TAMM41: variants seen among roughly 807,000 people sequenced by gnomAD.
The protein encoded by TAMM41 is phosphatidate cytidylyltransferase, mitochondrial.
A neutral mutation model predicts 44.1 loss-of-function variants in TAMM41; 36 were observed. That is an observed-to-expected ratio of 0.82 (90% CI 0.63 to 1.08). The LOEUF is 1.08. Among genes scored for constraint, TAMM41 ranks in the 50% least tolerant of loss-of-function variants. The pLI is 0.00. For synonymous variants in TAMM41, 164 were observed against 153.1 expected (o/e 1.07, Z -0.53); for missense variants, 417 against 404.3 (o/e 1.03, Z -0.27).
the TAMM41 span, among the ~76,000 whole-genome samples, chr3:11,761,996 A>G: frequency 1.3e-5 from 2 of 151,412 alleles, no homozygotes; most frequent in African/African-American, 4.8e-5. Context: ...AAGAAAAAAG[A>G]GACCCTTCCC....
intron 4 of TAMM41, among the ~76,000 whole-genome samples, chr3:11,818,036 T>C (rs2078352092): frequency 6.6e-6 from 1 of 152,120 alleles, no homozygotes; most frequent in Non-Finnish European, 1.5e-5. Flanking sequence ...ATCGGCAAGA[T>C]GGAGGAGAAA....
Position 11,846,876 on chromosome 3 carries a change from G to C in TAMM41, c.-240C>G, listed in dbSNP as rs2079730240. On this transcript the variant is annotated 5_prime_UTR_variant, in exon 1 of 8. Transcript: ENST00000455809. ...CGGGTGGGCGGCGGTCGCACAGGCA[G>C]AGCTTCCGTCCCTTGCTACGCCCCA... The C allele has an allele frequency of 5.6e-6, 3 of 532,602 alleles. No individual in the cohort carries two copies. Among genetic ancestry groups the C allele is most frequent in the Non-Finnish European group, 1.0e-5 (3 of 294,952 alleles). The allele number at this position is 532,602 out of a possible 1,614,324, so 33.0% of individuals were successfully genotyped here.
the TAMM41 span, among the ~76,000 whole-genome samples, chr3:11,781,895 A>G: frequency 1.3e-5 from 2 of 152,090 alleles, no homozygotes; most frequent in African/African-American, 4.8e-5. Context: ...AGGAGTTTAG[A>G]TGGTTTTAAA....
chr3:11,823,660 CTTTTTTTTTT>C (rs34657936), intron 4 of TAMM41, among the ~76,000 whole-genome samples: 2 of 122,398 alleles, frequency 1.6e-5, no homozygotes, highest in Non-Finnish European at 3.4e-5. Flanking sequence ...TGCCTTTTTA[CTTTTTTTTTT>C]TTTTTTTTTA....
the TAMM41 span, among the ~76,000 whole-genome samples, chr3:11,769,900 C>T: frequency 6.6e-6 from 1 of 152,226 alleles, no homozygotes; most frequent in Non-Finnish European, 1.5e-5. Flanking sequence ...ATGCAAAGAG[C>T]ATCACTCACA....
rs763701073 is a variant in TAMM41 at position 11,839,333 on chromosome 3, G to A, written c.319-19C>T. 1.0e-5 allele frequency: 15 copies of A among 1,485,718 alleles called. No homozygotes were observed. The South Asian group carries it at 1.6e-4, about 16-fold the overall frequency. 92.0% of individuals were successfully genotyped at this position (1,485,718 alleles called of 1,614,324 possible). On this transcript the variant is annotated intron_variant, in intron 2 of 7. Transcript: ENST00000455809. ...TGATAAGCTGAAGGAAAAAAGAAAT[G>A]GCACAAAACGGAGTAAAATACCATG...
the TAMM41 span, among the ~76,000 whole-genome samples, chr3:11,761,372 T>C: frequency 2.0e-5 from 3 of 152,174 alleles, no homozygotes; most frequent in East Asian, 3.9e-4. Context: ...CTGCGCTCCA[T>C]CTTTCCTGTC....
At chr3:11,797,616 A>G (rs1455672298) in intron 7 of TAMM41, among the ~76,000 whole-genome samples, 1 of 152,244 alleles carries the variant, frequency 6.6e-6, no homozygotes, top group African/African-American at 2.4e-5. Flanking sequence ...AAGCAATTAC[A>G]ACAAAAGCAA....
At position 11,839,220 on chromosome 3, in the gene TAMM41, A is replaced by G; in HGVS notation, c.411+2T>C. On this transcript the variant is annotated splice_donor_variant, in intron 3 of 7. Coordinates refer to ENST00000455809, the MANE Select transcript of TAMM41 (RefSeq NM_001284401.2). LOFTEE classifies it high-confidence loss of function. ...TAACTGTGCAGCCTATAAAACACTC[A>G]CCGGTTTTTGGAGTCGTCCAGCAAT... 1 of 1,606,326 alleles carries G rather than the reference A, an allele frequency of 6.2e-7. No individual in the cohort carries two copies. The highest frequency in any genetic ancestry group is 8.5e-7 in the Non-Finnish European group (1 of 1,173,542).
At chr3:11,784,066 T>C in the TAMM41 span, among the ~76,000 whole-genome samples, 1 of 152,094 alleles carries the variant, frequency 6.6e-6, no homozygotes, top group Admixed American at 6.5e-5. Flanking sequence ...ACAGGACCCA[T>C]AGGGACAGCT....
chr3:11,736,634 A>G, the TAMM41 span, among the ~76,000 whole-genome samples: 1 of 152,164 alleles, frequency 6.6e-6, no homozygotes, highest in Non-Finnish European at 1.5e-5. Flanking sequence ...GCGGGGCCTC[A>G]GCGCACCCTG....
At chr3:11,731,770 A>G in the TAMM41 span, among the ~76,000 whole-genome samples, 1 of 152,144 alleles carries the variant, frequency 6.6e-6, no homozygotes, top group South Asian at 2.1e-4. Flanking sequence ...AGCCACAGTG[A>G]TGCCCAGTCC....
At chr3:11,841,842 C>G (rs2079459907) in intron 2 of TAMM41, among the ~76,000 whole-genome samples, 1 of 152,208 alleles carries the variant, frequency 6.6e-6, no homozygotes, top group South Asian at 2.1e-4. Flanking sequence ...CTGTTGCAAA[C>G]TAGCTGCACA....
intron 2 of TAMM41, chr3:11,843,605 A>G (rs1376826979): frequency 6.4e-6 from 1 of 156,566 alleles, no homozygotes; most frequent in Admixed American, 6.3e-5. Context: ...AATCCCAGCT[A>G]ACTGGGAGGC....
At chr3:11,727,549 C>G in the TAMM41 span, among the ~76,000 whole-genome samples, 1 of 152,310 alleles carries the variant, frequency 6.6e-6, no homozygotes, top group East Asian at 1.9e-4. Context: ...ACTGCAGCCT[C>G]CACCGCCAGG....
chr3:11,808,562 G>T (rs773077137), intron 6 of TAMM41: 1 of 985,436 alleles, frequency 1.0e-6, no homozygotes, highest in Non-Finnish European at 1.2e-6. Flanking sequence ...TCTGGCACGC[G>T]GAGGAGCTCA....
At chr3:11,802,185 C>T (rs569659248) in intron 7 of TAMM41, among the ~76,000 whole-genome samples, 123 of 152,106 alleles carry the variant, frequency 8.1e-4, no homozygotes, top group South Asian at 2.7e-3. Context: ...GCCACTGCAC[C>T]GTGTAGCCTG....
chr3:11,813,828 ATGTGTGTGTG>A (rs143683206), intron 5 of TAMM41, among the ~76,000 whole-genome samples: 4 of 143,106 alleles, frequency 2.8e-5, no homozygotes, highest in South Asian at 2.2e-4. Context: ...GTACAAATAT[ATGTGTGTGTG>A]TGTGTGTGTG....
intron 1 of TAMM41, 84 bp from the exon 2 acceptor site, chr3:11,844,295 C>A: frequency 7.6e-7 from 1 of 1,324,126 alleles, no homozygotes; most frequent in Non-Finnish European, 1.0e-6. Context: ...TAACATACTA[C>A]GCAATTATGA....
Sources: allele counts gnomAD v4.1 joint callset (sites outside exome capture counted in the v4.1 genomes callset), GRCh38; gene constraint gnomAD v4.1.1; transcripts MANE v1.5; gene names NCBI Gene and HGNC (gene_info 2026-07-23, HGNC 2026-07-21).